WBP4: variants seen among roughly 807,000 people sequenced by gnomAD.
The protein encoded by WBP4 is WW domain binding protein 4, also known as WW domain-binding protein 4.
In WBP4, 37 loss-of-function variants were observed where a neutral mutation model predicts 55.4. The observed-to-expected ratio is 0.67, with a 90% CI of 0.51 to 0.88. The LOEUF (loss-of-function observed/expected upper bound fraction) is 0.88. WBP4 is among the 40% of genes least tolerant of loss of function. WBP4 has a pLI of 0.00. For synonymous variants in WBP4, 142 were observed against 140.2 expected, an observed-to-expected ratio of 1.01 and a Z score of -0.09; for missense variants, 398 against 420.8, an observed-to-expected ratio of 0.95 and a Z score of 0.47.
intron 2 of WBP4, among the ~76,000 whole-genome samples, chr13:41,063,811 C>T (rs1421164892): frequency 6.6e-6 from 1 of 152,090 alleles, no homozygotes; most frequent in African/African-American, 2.4e-5. Flanking sequence ...GTATGAAAAA[C>T]AGGAGGATTA....
chr13:41,065,288 GTAA>G lies in WBP4; in HGVS notation c.262+2_262+4del. 3 of 1,172,542 alleles carry G rather than the reference GTAA, an allele frequency of 2.6e-6. No homozygotes were observed. Among genetic ancestry groups the G allele is most frequent in the African/African-American group, 1.9e-5 (1 of 52,660 alleles). The allele number at this position is 1,172,542 out of a possible 1,614,324, so 72.6% of individuals were successfully genotyped here. On this transcript the variant is annotated splice_donor_variant and splice_donor_region_variant and intron_variant, in intron 4 of 9. Coordinates refer to ENST00000379487, the MANE Select transcript of WBP4 (RefSeq NM_007187.5). LOFTEE classifies it high-confidence loss of function. The stretch of plus-strand genomic sequence containing the variant: ...TTGAAAAGACTTGGCTTAGAGTCAG[GTAA>G]AAAAAAAAAAAAAAAAAAAGCAGCC...
At chr13:41,071,672 A>T in intron 6 of WBP4, 99 bp downstream of exon 6, 2 of 1,079,348 alleles carry the variant, frequency 1.9e-6, no homozygotes, top group Non-Finnish European at 2.7e-6. Context: ...ATTTACAAAT[A>T]CTCCACTCCC....
chr13:41,074,228 G>A (rs912586856), intron 7 of WBP4, among the ~76,000 whole-genome samples: 3 of 152,148 alleles, frequency 2.0e-5, no homozygotes, highest in African/African-American at 4.8e-5. Context: ...ACCGCGCCCG[G>A]CCCTAAAACT....
chr13:41,062,082 T>C, intron 1 of WBP4: 1 of 962,390 alleles, frequency 1.0e-6, no homozygotes, highest in South Asian at 4.9e-5. Context: ...CGGCCAGCCC[T>C]GGATAGCGTA....
chr13:41,081,893 GT>G (rs1264413902), intron 9 of WBP4, among the ~76,000 whole-genome samples: 1 of 152,226 alleles, frequency 6.6e-6, no homozygotes, highest in Non-Finnish European at 1.5e-5. Flanking sequence ...TTTTCAACAG[GT>G]TTTACGCTCT....
intron 8 of WBP4, among the ~76,000 whole-genome samples, chr13:41,079,893 T>TA (rs1218126912): frequency 6.6e-6 from 1 of 152,086 alleles, no homozygotes; most frequent in African/African-American, 2.4e-5. Flanking sequence ...TACTCAGCCA[T>TA]AAAAAATGAA....
At chr13:41,078,781 C>A (rs1454294299) in intron 8 of WBP4, among the ~76,000 whole-genome samples, 1 of 151,552 alleles carries the variant, frequency 6.6e-6, no homozygotes, top group East Asian at 1.9e-4. Flanking sequence ...GAGCTAAGAT[C>A]GTGCCGTTGC....
chr13:41,074,393 A>G (rs1051598128), intron 7 of WBP4, among the ~76,000 whole-genome samples: 2 of 152,172 alleles, frequency 1.3e-5, no homozygotes, highest in East Asian at 1.9e-4. Context: ...TTAGGAAGAA[A>G]AGGCCCTTTT....
At chr13:41,068,926 T>C (rs1157205395) in intron 5 of WBP4, among the ~76,000 whole-genome samples, 189 bp downstream of exon 5, 1 of 152,214 alleles carries the variant, frequency 6.6e-6, no homozygotes, top group Non-Finnish European at 1.5e-5. Flanking sequence ...AGTGACTAAG[T>C]GTCATACTTA....
intron 6 of WBP4, 79 bp from the exon 7 acceptor site, chr13:41,072,703 G>A: frequency 7.8e-7 from 1 of 1,274,982 alleles, no homozygotes; most frequent in Non-Finnish European, 1.1e-6. Flanking sequence ...GGAGAGGCAA[G>A]GGTGGCTGAC....
intron 8 of WBP4, among the ~76,000 whole-genome samples, chr13:41,076,586 C>T (rs1779211661): frequency 6.6e-6 from 1 of 152,000 alleles, no homozygotes; most frequent in South Asian, 2.1e-4. Context: ...CAGCTGACAT[C>T]AATTTTTGAA....
chr13:41,064,739 G>C (rs1195415410), intron 2 of WBP4, among the ~76,000 whole-genome samples: 2 of 152,052 alleles, frequency 1.3e-5, no homozygotes, highest in Non-Finnish European at 2.9e-5. Context: ...CACTAGATTA[G>C]TCATCAAGGG....
intron 4 of WBP4, among the ~76,000 whole-genome samples, chr13:41,068,054 A>G (rs1223902604): frequency 1.3e-5 from 2 of 151,996 alleles, no homozygotes; most frequent in African/African-American, 4.8e-5. Context: ...TTTTTTTAAT[A>G]TATATATAGA....
chr13:41,062,833 A>C, intron 2 of WBP4, 117 bp downstream of exon 2: 1 of 784,268 alleles, frequency 1.3e-6, no homozygotes, highest in Non-Finnish European at 1.9e-6. Flanking sequence ...GCATTTTCAA[A>C]ACATCAGAAG....
Position 41,066,855 on chromosome 13 carries a change from A to G in WBP4, c.262+1568A>G, listed in dbSNP as rs142021156. Among the ~76,000 whole-genome samples the G allele has an allele frequency of 7.3e-4, 111 of 152,328 alleles. 1 individual carries two copies. The East Asian group carries it at 0.017, about 23-fold the overall frequency. ...GAAGTTACAGTATAAAAGTGTGAAT[A>G]TATTTTATATTGATAGCTAATACCA... On this transcript the variant is annotated intron_variant, in intron 4 of 9. Coordinates refer to ENST00000379487, the MANE Select transcript of WBP4 (RefSeq NM_007187.5).
chr13:41,071,701 C>A (rs1004240235), intron 6 of WBP4, 128 bp downstream of exon 6: 1 of 788,792 alleles, frequency 1.3e-6, no homozygotes, highest in East Asian at 2.7e-5. Context: ...CAAACTGTGT[C>A]CTTTTTTTTC....
Position 41,076,278 on chromosome 13 carries a change from T to C in WBP4, c.756+41T>C, listed in dbSNP as rs772103497. ...TTACTCTTCACATCAAATTTTTTTTTTTTTTTTTTTTTTTTTTTTGAGATG... is the reference window on the plus strand; with the variant it reads ...TTACTCTTCACATCAAATTTTTTTTCTTTTTTTTTTTTTTTTTTTGAGATG... On this transcript the variant is annotated intron_variant, in intron 8 of 9. Transcript: ENST00000379487. The C allele has an allele frequency of 7.3e-5, 98 of 1,344,958 alleles. No homozygotes were observed. In the African/African-American group the frequency reaches 1.5e-3, roughly 21 times the overall value. 83.3% of individuals were successfully genotyped at this position (1,344,958 alleles called of 1,614,324 possible). A position where few individuals can be genotyped will look rare whatever the true frequency, so the allele number is the denominator to read the frequency against.
Position 41,079,001 on chromosome 13 carries a change from CAATT to C in WBP4, c.757-1642_757-1639del, listed in dbSNP as rs150388391. ...AAAAGCTTATGCACAGCAAAAGAAACAATTAACAGGGTAAATAAACAGCCCACAT... is the reference window on the plus strand; with the variant it reads ...AAAAGCTTATGCACAGCAAAAGAAACAACAGGGTAAATAAACAGCCCACAT... On this transcript the variant is annotated intron_variant, in intron 8 of 9. Coordinates refer to ENST00000379487, the MANE Select transcript of WBP4 (RefSeq NM_007187.5). Among the ~76,000 whole-genome samples the C allele has an allele frequency of 2.4e-3, 366 of 152,014 alleles. 5 individuals carry two copies. The East Asian group carries it at 0.048, about 20-fold the overall frequency.
At chr13:41,082,008 C>A (rs1049381507) in intron 9 of WBP4, among the ~76,000 whole-genome samples, 2 of 152,152 alleles carry the variant, frequency 1.3e-5, no homozygotes, top group African/African-American at 4.8e-5. Context: ...GACCAGTTGA[C>A]TATCTAGGGA....
Sources: allele counts gnomAD v4.1 joint callset (sites outside exome capture counted in the v4.1 genomes callset), GRCh38; gene constraint gnomAD v4.1.1; transcripts MANE v1.5; gene names NCBI Gene and HGNC (gene_info 2026-07-23, HGNC 2026-07-21).